NAF1: variants seen among roughly 807,000 people sequenced by gnomAD.
The protein encoded by NAF1 is nuclear assembly factor 1 ribonucleoprotein, also known as H/ACA ribonucleoprotein complex non-core subunit NAF1.
NAF1 carries 11 observed loss-of-function variants against 40.6 expected under a neutral mutation model. The ratio of observed to expected loss-of-function variants is 0.27; its 90% CI spans 0.17 to 0.45. The LOEUF (loss-of-function observed/expected upper bound fraction) is 0.45. NAF1 is among the 20% of genes least tolerant of loss of function. NAF1 has a pLI of 1.00. For synonymous variants in NAF1, 260 were observed against 228.5 expected, an observed-to-expected ratio of 1.14 and a Z score of -1.24; for missense variants, 607 against 611.1, an observed-to-expected ratio of 0.99 and a Z score of 0.07.
chr4:163,130,036 G>A (rs1730809194), intron 7 of NAF1, among the ~76,000 whole-genome samples: 1 of 152,146 alleles, frequency 6.6e-6, no homozygotes. Flanking sequence ...GTCAACAGAG[G>A]CTAAGAGGAA....
chr4:163,124,246 T>C (rs116414294), downstream of NAF1, among the ~76,000 whole-genome samples: 377 of 152,266 alleles, frequency 2.5e-3, 2 homozygotes, highest in African/African-American at 8.5e-3. Context: ...GATGAAGGCA[T>C]TAGCAGGTTT....
chr4:163,120,641 G>A (rs1437718001), intron 2 of NAF1, among the ~76,000 whole-genome samples: 1 of 152,146 alleles, frequency 6.6e-6, no homozygotes, highest in Non-Finnish European at 1.5e-5. Flanking sequence ...AAATAAATAT[G>A]TGTGTACTTA....
chr4:163,142,927 C>G (rs1369561803), intron 4 of NAF1, among the ~76,000 whole-genome samples: 1 of 152,146 alleles, frequency 6.6e-6, no homozygotes, highest in African/African-American at 2.4e-5. Flanking sequence ...CTTGGTCATT[C>G]CACCCAACTT....
At chr4:163,106,937 A>C (rs1047753882), downstream of NAF1, among the ~76,000 whole-genome samples, 6 of 152,048 alleles carry the variant, frequency 3.9e-5, no homozygotes, top group Admixed American at 2.0e-4. Flanking sequence ...GATACATTTC[A>C]GGGTTATTTC....
At chr4:163,155,341 T>C (rs1731936759) in intron 2 of NAF1, among the ~76,000 whole-genome samples, 1 of 152,224 alleles carries the variant, frequency 6.6e-6, no homozygotes, top group African/African-American at 2.4e-5. Flanking sequence ...GTCTTGCTCA[T>C]TGCTATAGCA....
At chr4:163,149,065 T>A (rs1291062123) in intron 2 of NAF1, among the ~76,000 whole-genome samples, 2 of 152,146 alleles carry the variant, frequency 1.3e-5, no homozygotes, top group Non-Finnish European at 2.9e-5. Flanking sequence ...ATAAGTTTCT[T>A]TACACCTAAA....
rs569468407 is a variant in NAF1, at chr4:163,155,282, A to G, written c.541-6848T>C. On this transcript the variant is annotated intron_variant, in intron 2 of 7. Transcript: ENST00000274054. ...GTCTATTTCTCTAACTACACAATAA[A>G]TCCAACCATAACTAAGACCTTTTTA... is the stretch of plus-strand genomic sequence containing the variant. Among the ~76,000 whole-genome samples the G allele has an allele frequency of 3.9e-5, 6 of 152,312 alleles. No homozygotes were observed. The East Asian group carries it at 1.2e-3, about 29-fold the overall frequency.
At chr4:163,113,063 T>G (rs1730212468) in intron 2 of NAF1, among the ~76,000 whole-genome samples, 1 of 152,176 alleles carries the variant, frequency 6.6e-6, no homozygotes, top group South Asian at 2.1e-4. Flanking sequence ...AAACCATTAG[T>G]AGGAGGCCAG....
At chr4:163,147,022 T>C (rs1452517170) in intron 3 of NAF1, among the ~76,000 whole-genome samples, 1 of 152,120 alleles carries the variant, frequency 6.6e-6, no homozygotes, top group Non-Finnish European at 1.5e-5. Context: ...GTTTAAATCA[T>C]ACCACATAAT....
chr4:163,112,904 T>C (rs1730206473), intron 2 of NAF1, among the ~76,000 whole-genome samples: 1 of 152,226 alleles, frequency 6.6e-6, no homozygotes, highest in South Asian at 2.1e-4. Flanking sequence ...GAAAAAAATA[T>C]TGCAGCTTTA....
intron 5 of NAF1, 43 bp from the exon 6 acceptor site, chr4:163,137,293 A>G: frequency 6.3e-7 from 1 of 1,582,466 alleles, no homozygotes; most frequent in South Asian, 1.2e-5. Flanking sequence ...ATTCATCACA[A>G]TTCTATTAAG....
At chr4:163,109,233 A>G (rs1369532294), downstream of NAF1, among the ~76,000 whole-genome samples, 1 of 149,842 alleles carries the variant, frequency 6.7e-6, no homozygotes, top group Non-Finnish European at 1.5e-5. Context: ...TTAAATTACT[A>G]CTTTCACAAA....
chr4:163,141,987 TA>T (rs1276094826), intron 4 of NAF1: 1 of 826,484 alleles, frequency 1.2e-6, no homozygotes, highest in Non-Finnish European at 1.5e-6. Flanking sequence ...GTAGTGACAT[TA>T]AAAACTATTA....
chr4:163,166,308 C>A, intron 1 of NAF1, 55 bp downstream of exon 1: 1 of 1,515,092 alleles, frequency 6.6e-7, no homozygotes. Context: ...CCCAGCCACC[C>A]CCGCCCGTCA....
Position 163,133,413 on chromosome 4 carries a change from T to C in NAF1, c.931-157A>G, listed in dbSNP as rs1027640597. On this transcript the variant is annotated intron_variant, in intron 6 of 7. Transcript: ENST00000274054. ...ATATTTTCTATATCTGAATTAGACATGGTATAAAAATAAAGCATTTTTTGA... is the reference window on the plus strand; with the variant it reads ...ATATTTTCTATATCTGAATTAGACACGGTATAAAAATAAAGCATTTTTTGA... 2.3e-5 allele frequency: 13 copies of C among 559,336 alleles called. No individual in the cohort carries two copies. In the Admixed American group the frequency reaches 3.7e-4, roughly 16 times the overall value. 34.6% of individuals were successfully genotyped at this position (559,336 alleles called of 1,614,324 possible). A position where few individuals can be genotyped will look rare whatever the true frequency, so the allele number is the denominator to read the frequency against.
At position 163,166,360 on chromosome 4, in the gene NAF1, G is replaced by T; in HGVS notation, c.365+3C>A. ...ACAGCTCCGGGTCCCTTAGGCACCCGACCTGTCCGAGTCCGAATCCGAGTC... is the reference window on the plus strand; with the variant it reads ...ACAGCTCCGGGTCCCTTAGGCACCCTACCTGTCCGAGTCCGAATCCGAGTC... On this transcript the variant is annotated splice_donor_region_variant and intron_variant, in intron 1 of 7. Coordinates refer to ENST00000274054, the MANE Select transcript of NAF1 (RefSeq NM_138386.3). 1 of 1,591,572 alleles carries T rather than the reference G, an allele frequency of 6.3e-7. No individual in the cohort carries two copies. The highest frequency in any genetic ancestry group is 1.1e-5 in the South Asian group (1 of 88,392).
At chr4:163,162,114 A>AT (rs1732250756) in intron 2 of NAF1, among the ~76,000 whole-genome samples, 1 of 152,194 alleles carries the variant, frequency 6.6e-6, no homozygotes, top group African/African-American at 2.4e-5. Flanking sequence ...AACAGACCAT[A>AT]AGCCAGCAAA....
intron 4 of NAF1, among the ~76,000 whole-genome samples, chr4:163,140,915 T>C (rs1731235543): frequency 6.6e-6 from 1 of 152,210 alleles, no homozygotes. Context: ...GTTATTTATG[T>C]TTAAAAAACA....
chr4:163,127,189 G>A, downstream of NAF1: 2 of 1,487,982 alleles, frequency 1.3e-6, no homozygotes, highest in Non-Finnish European at 1.8e-6. Context: ...GAGTGCAATG[G>A]TGTGATCTCA....
Sources: allele counts gnomAD v4.1 joint callset (sites outside exome capture counted in the v4.1 genomes callset), GRCh38; gene constraint gnomAD v4.1.1; transcripts MANE v1.5; gene names NCBI Gene and HGNC (gene_info 2026-07-23, HGNC 2026-07-21).